Variants in CHKA observed in about 807,000 individuals in gnomAD.
The protein encoded by CHKA is choline kinase alpha, also known as CHETK-alpha.
In CHKA, 34 loss-of-function variants were observed where a neutral mutation model predicts 60.1. That is an observed-to-expected ratio of 0.57 (90% CI 0.43 to 0.75). The LOEUF is 0.75. CHKA is among the 30% of genes least tolerant of loss of function. The pLI is 0.00. For synonymous variants in CHKA, 217 were observed against 223.1 expected, an observed-to-expected ratio of 0.97 and a Z score of 0.24; for missense variants, 563 against 561.3, an observed-to-expected ratio of 1.00 and a Z score of -0.03.
chr11:68,065,294 G>A (rs1033757405), intron 9 of CHKA, among the ~76,000 whole-genome samples: 7 of 152,160 alleles, frequency 4.6e-5, no homozygotes, highest in African/African-American at 1.7e-4. Context: ...AAGTATCTCT[G>A]GCACAGAGAT....
intron 11 of CHKA, among the ~76,000 whole-genome samples, chr11:68,055,167 C>T (rs1385999609): frequency 1.3e-5 from 2 of 152,150 alleles, no homozygotes; most frequent in African/African-American, 2.4e-5. Context: ...CCAAGGCAGA[C>T]GGATCACTTG....
intron 2 of CHKA, among the ~76,000 whole-genome samples, chr11:68,086,803 C>T (rs1857193114): frequency 1.3e-5 from 2 of 152,290 alleles, no homozygotes; most frequent in South Asian, 4.1e-4. Context: ...CTGGCTGACA[C>T]AGTGAAACAC....
chr11:68,082,409 G>A (rs1857016297), intron 2 of CHKA: 1 of 152,552 alleles, frequency 6.6e-6, no homozygotes, highest in Non-Finnish European at 1.5e-5. Context: ...GCTTAAGCCA[G>A]ACACAAAAGG....
chr11:68,082,889 G>A (rs959224481), intron 2 of CHKA, among the ~76,000 whole-genome samples: 1 of 152,156 alleles, frequency 6.6e-6, no homozygotes, highest in Non-Finnish European at 1.5e-5. Context: ...AGATGTTACA[G>A]GTTAAATCCC....
chr11:68,093,257 C>T (rs946703681), intron 2 of CHKA, among the ~76,000 whole-genome samples: 1 of 152,182 alleles, frequency 6.6e-6, no homozygotes, highest in Non-Finnish European at 1.5e-5. Context: ...GCCTTGGCCT[C>T]CCAAAGTGTT....
intron 2 of CHKA, among the ~76,000 whole-genome samples, chr11:68,090,341 C>T (rs1472585371): frequency 6.6e-6 from 1 of 151,648 alleles, no homozygotes; most frequent in East Asian, 1.9e-4. Flanking sequence ...GCAGAGTGAA[C>T]AGAACAACTT....
chr11:68,101,131 G>C (rs1188229426), intron 1 of CHKA, among the ~76,000 whole-genome samples: 4 of 151,662 alleles, frequency 2.6e-5, no homozygotes, highest in African/African-American at 9.7e-5. Context: ...TGTATTTTTA[G>C]TAGAGACGGG....
At chr11:68,079,830 AG>A (rs1485071957) in intron 3 of CHKA, among the ~76,000 whole-genome samples, 1 of 152,126 alleles carries the variant, frequency 6.6e-6, no homozygotes, top group Non-Finnish European at 1.5e-5. Flanking sequence ...TCAGGGCTGG[AG>A]GAAGAATGTA....
At chr11:68,117,369 A>G (rs1565197630) in intron 1 of CHKA, among the ~76,000 whole-genome samples, 1 of 152,232 alleles carries the variant, frequency 6.6e-6, no homozygotes, top group Non-Finnish European at 1.5e-5. Context: ...ATTTTAAAAC[A>G]GTAATAACAA....
At chr11:68,076,836 A>C (rs990181289) in intron 3 of CHKA, among the ~76,000 whole-genome samples, 3 of 152,206 alleles carry the variant, frequency 2.0e-5, no homozygotes, top group Admixed American at 1.3e-4. Context: ...GCACTGCCCT[A>C]AACATTGTAA....
At position 68,054,830 on chromosome 11, in the gene CHKA, A is replaced by C. The variant is rs544484054; in HGVS notation, c.1315-783T>G. Among the ~76,000 whole-genome samples, 21 of 152,232 alleles carry C rather than the reference A, an allele frequency of 1.4e-4. No individual in the cohort carries two copies. The South Asian group carries it at 4.1e-3, about 30-fold the overall frequency. On this transcript the variant is annotated intron_variant, in intron 11 of 11. Transcript: ENST00000265689. ...CTACAAGCTCCCATGGGCCTCTTGC[A>C]GTTGGCCACAGGCAGCCACCGACTC...
intron 1 of CHKA, among the ~76,000 whole-genome samples, chr11:68,098,971 T>G (rs965590703): frequency 6.6e-6 from 1 of 152,176 alleles, no homozygotes; most frequent in Non-Finnish European, 1.5e-5. Flanking sequence ...AGGCACACCA[T>G]GCCTGACCTT....
At chr11:68,115,697 G>A (rs1858357035) in intron 1 of CHKA, among the ~76,000 whole-genome samples, 1 of 152,016 alleles carries the variant, frequency 6.6e-6, no homozygotes, top group Non-Finnish European at 1.5e-5. Context: ...AATACAAGTT[G>A]CTCTAAAAAA....
intron 3 of CHKA, among the ~76,000 whole-genome samples, chr11:68,078,127 G>A (rs1856851504): frequency 6.6e-6 from 1 of 152,168 alleles, no homozygotes; most frequent in African/African-American, 2.4e-5. Context: ...CAGTAAGAAA[G>A]CTTTCTACAG....
chr11:68,079,751 C>A (rs1258636784), intron 3 of CHKA, among the ~76,000 whole-genome samples: 1 of 152,012 alleles, frequency 6.6e-6, no homozygotes, highest in Non-Finnish European at 1.5e-5. Flanking sequence ...GATTTCATGG[C>A]GAGTTTGAGG....
chr11:68,093,276 A>G (rs1316269372), intron 2 of CHKA, among the ~76,000 whole-genome samples: 1 of 152,210 alleles, frequency 6.6e-6, no homozygotes, highest in Non-Finnish European at 1.5e-5. Context: ...TTGGAATTAC[A>G]GGAGTGAGCC....
At chr11:68,107,754 T>C (rs1253363805) in intron 1 of CHKA, among the ~76,000 whole-genome samples, 2 of 152,154 alleles carry the variant, frequency 1.3e-5, no homozygotes, top group Non-Finnish European at 2.9e-5. Context: ...GAACACAGCA[T>C]GCCTCTGCCT....
intron 11 of CHKA, chr11:68,061,564 A>C: frequency 3.1e-6 from 1 of 322,126 alleles, no homozygotes; most frequent in Non-Finnish European, 6.3e-6. Context: ...AACCTTCCAC[A>C]GCACAGGCAG....
intron 7 of CHKA, among the ~76,000 whole-genome samples, chr11:68,067,154 A>C (rs752165761): frequency 6.6e-6 from 1 of 152,214 alleles, no homozygotes; most frequent in Non-Finnish European, 1.5e-5. Context: ...CACACTCGAC[A>C]TGATGTTCAG....
Sources: gnomAD v4.1 joint callset for allele counts (sites outside exome capture counted in the v4.1 genomes callset) on GRCh38, gnomAD v4.1.1 for gene constraint, MANE v1.5 for transcripts, NCBI Gene and HGNC (gene_info 2026-07-23, HGNC 2026-07-21) for gene names.